The following KHDRBS2 variants were observed in gnomAD, a reference collection of about 807,000 sequenced individuals.
KHDRBS2 encodes KH RNA binding domain containing, signal transduction associated 2, also known as KH domain-containing, RNA-binding, signal transduction-associated protein 2.
A neutral mutation model predicts 44.3 loss-of-function variants in KHDRBS2; 26 were observed. The ratio of observed to expected loss-of-function variants is 0.59; its 90% CI spans 0.43 to 0.81. The LOEUF is 0.81. Among genes scored for constraint, KHDRBS2 ranks in the 40% least tolerant of loss-of-function variants. The probability of loss-of-function intolerance (pLI) is 0.00; values close to 1 mark genes in which losing one functional copy is unlikely to be tolerated. For synonymous variants in KHDRBS2, 194 were observed against 151.1 expected (o/e 1.28, Z -2.08); for missense variants, 476 against 433.1 (o/e 1.10, Z -0.88).
chr6:61,768,863 G>C (rs1350985748), intron 6 of KHDRBS2, among the ~76,000 whole-genome samples: 1 of 151,904 alleles, frequency 6.6e-6, no homozygotes, highest in Non-Finnish European at 1.5e-5. Flanking sequence ...GTTCAATTTG[G>C]TGTTCCTGCA....
At chr6:62,044,940 T>A (rs1411560865) in intron 3 of KHDRBS2, among the ~76,000 whole-genome samples, 1 of 152,234 alleles carries the variant, frequency 6.6e-6, no homozygotes, top group Admixed American at 6.5e-5. Flanking sequence ...CTTGGACATA[T>A]TACATTTCAA....
At chr6:62,024,376 A>G (rs1326258495) in intron 3 of KHDRBS2, among the ~76,000 whole-genome samples, 1 of 151,510 alleles carries the variant, frequency 6.6e-6, no homozygotes, top group African/African-American at 2.4e-5. Flanking sequence ...TTGTAACATT[A>G]TTTTCCATTC....
intron 3 of KHDRBS2, among the ~76,000 whole-genome samples, chr6:62,033,787 G>C (rs1380430012): frequency 1.3e-5 from 2 of 151,346 alleles, no homozygotes; most frequent in African/African-American, 4.8e-5. Context: ...ATCATCAAGA[G>C]AGCAGAAATA....
rs1794111059 is a variant in KHDRBS2 at position 61,844,708 on chromosome 6, G to A, written c.810+49927C>T. 5.3e-5 allele frequency among the ~76,000 whole-genome samples: 8 copies of A among 151,776 alleles called. No homozygotes were observed. In the South Asian group the frequency reaches 1.5e-3, roughly 28 times the overall value. On this transcript the variant is annotated intron_variant, in intron 6 of 8. Transcript: ENST00000281156. ...CAATATTAATTTATAGTTAAATGAA[G>A]GAGCTAATAGCATTCATATATTCTT...
At chr6:62,245,740 G>T (rs1835445223) in intron 1 of KHDRBS2, among the ~76,000 whole-genome samples, 1 of 151,994 alleles carries the variant, frequency 6.6e-6, no homozygotes. Context: ...TAGATAAATA[G>T]AAATAGATTT....
At chr6:61,681,205 C>T in intron 8 of KHDRBS2, 145 bp from the exon 9 acceptor site, 1 of 612,584 alleles carries the variant, frequency 1.6e-6, no homozygotes, top group South Asian at 2.0e-5. Context: ...CATCGTGAGA[C>T]CATCAAAAAA....
chr6:61,768,311 A>T, intron 6 of KHDRBS2, among the ~76,000 whole-genome samples: 1 of 151,920 alleles, frequency 6.6e-6, no homozygotes, highest in East Asian at 1.9e-4. Context: ...TGGGAGTTTG[A>T]TTTTTAAGTG....
At chr6:61,955,192 A>ATG (rs1255884690) in intron 4 of KHDRBS2, among the ~76,000 whole-genome samples, 1 of 145,204 alleles carries the variant, frequency 6.9e-6, no homozygotes, top group African/African-American at 2.5e-5. Context: ...ATACGTTTGT[A>ATG]TGTATACATA....
chr6:62,068,724 T>A (rs943783551), intron 2 of KHDRBS2, among the ~76,000 whole-genome samples: 15 of 151,606 alleles, frequency 9.9e-5, no homozygotes, highest in African/African-American at 3.6e-4. Context: ...GACTAACCAG[T>A]TTTCCCAGTA....
chr6:61,559,949 T>C, the KHDRBS2 span, among the ~76,000 whole-genome samples: 1 of 152,166 alleles, frequency 6.6e-6, no homozygotes, highest in African/African-American at 2.4e-5. Flanking sequence ...TTAACATCCC[T>C]TTTTTCAGAC....
chr6:61,752,848 C>T (rs907102162), intron 6 of KHDRBS2, among the ~76,000 whole-genome samples: 3 of 151,744 alleles, frequency 2.0e-5, no homozygotes, highest in African/African-American at 4.8e-5. Context: ...GGTGAGGGGT[C>T]GGTATGTAAG....
At chr6:61,570,159 C>T in the KHDRBS2 span, among the ~76,000 whole-genome samples, 1 of 151,978 alleles carries the variant, frequency 6.6e-6, no homozygotes, top group Non-Finnish European at 1.5e-5. Flanking sequence ...TGAAATCCAA[C>T]TTAATGAAAT....
chr6:62,071,408 C>A (rs367892083), intron 2 of KHDRBS2, among the ~76,000 whole-genome samples: 16 of 152,140 alleles, frequency 1.1e-4, no homozygotes, highest in African/African-American at 3.9e-4. Flanking sequence ...GACATGAAAT[C>A]CTTGCCCATG....
intron 8 of KHDRBS2, among the ~76,000 whole-genome samples, chr6:61,691,059 G>C (rs528490459): frequency 1.3e-5 from 2 of 152,146 alleles, no homozygotes; most frequent in African/African-American, 4.8e-5. Flanking sequence ...GATAGATCCA[G>C]TCTGGTATGG....
chr6:62,270,634 T>C (rs1183673261), intron 1 of KHDRBS2, among the ~76,000 whole-genome samples: 1 of 152,060 alleles, frequency 6.6e-6, no homozygotes, highest in Non-Finnish European at 1.5e-5. Context: ...CACAAGACTA[T>C]ACAATTACCA....
chr6:61,970,253 T>A (rs1429598294), intron 4 of KHDRBS2, among the ~76,000 whole-genome samples: 1 of 151,898 alleles, frequency 6.6e-6, no homozygotes, highest in Non-Finnish European at 1.5e-5. Flanking sequence ...CTTGATTGGG[T>A]CATTTAAAGA....
Position 62,210,049 on chromosome 6 carries a change from C to T in KHDRBS2, c.92-32737G>A, listed in dbSNP as rs184359950. Among the ~76,000 whole-genome samples, 231 of 152,240 alleles carry T rather than the reference C, an allele frequency of 1.5e-3. 1 individual carries two copies. Among genetic ancestry groups the T allele is most frequent in the African/African-American group, 5.4e-3 (224 of 41,560 alleles). ...CAATACTTCTTAATAAACTCCCCTT[C>T]ATATATACATCTATCCTACTTGTTC... is the stretch of plus-strand genomic sequence containing the variant. On this transcript the variant is annotated intron_variant, in intron 1 of 8. Coordinates refer to ENST00000281156, the MANE Select transcript of KHDRBS2 (RefSeq NM_152688.4).
At chr6:61,964,092 C>T (rs1212994061) in intron 4 of KHDRBS2, among the ~76,000 whole-genome samples, 7 of 151,954 alleles carry the variant, frequency 4.6e-5, no homozygotes, top group Non-Finnish European at 1.0e-4. Flanking sequence ...TACAAAATAT[C>T]GGACCTCCTT....
intron 4 of KHDRBS2, among the ~76,000 whole-genome samples, chr6:61,945,630 TTAA>T (rs1813207212): frequency 6.6e-6 from 1 of 151,800 alleles, no homozygotes; most frequent in South Asian, 2.1e-4. Flanking sequence ...TTTTATGGAT[TTAA>T]TTTTATACAT....
Sources: allele counts gnomAD v4.1 joint callset (sites outside exome capture counted in the v4.1 genomes callset), GRCh38; gene constraint gnomAD v4.1.1; transcripts MANE v1.5; gene names NCBI Gene and HGNC (gene_info 2026-07-23, HGNC 2026-07-21).